TENM1: variants seen among roughly 807,000 people sequenced by gnomAD.
TENM1 encodes the protein teneurin transmembrane protein 1, also known as teneurin-1.
TENM1 carries 35 observed loss-of-function variants against 174.8 expected under a neutral mutation model. That is an observed-to-expected ratio of 0.20 (90% CI 0.15 to 0.27). TENM1 has a LOEUF of 0.27. TENM1 is among the 10% of genes least tolerant of loss of function. The pLI is 1.00. For synonymous variants in TENM1, 781 were observed against 798.7 expected, an observed-to-expected ratio of 0.98 and a Z score of 0.37; for missense variants, 1,633 against 2,130.1, an observed-to-expected ratio of 0.77 and a Z score of 4.59.
chrX:124,856,395 A>T (rs973578314), intron 3 of TENM1, among the ~76,000 whole-genome samples: 4 of 111,445 alleles, frequency 3.6e-5, no homozygotes, highest in Non-Finnish European at 5.7e-5. Flanking sequence ...CAAAAAACTT[A>T]AACATTATAT....
chrX:124,957,376 G>C (rs112458048), intron 1 of TENM1, among the ~76,000 whole-genome samples: 6,062 of 110,599 alleles, frequency 0.055, 338 homozygotes, highest in African/African-American at 0.17. Context: ...TTGAGGTCAG[G>C]AGTTTGAGAC....
chrX:124,760,516 G>A (rs2054382231), intron 3 of TENM1, among the ~76,000 whole-genome samples: 1 of 111,153 alleles, frequency 9.0e-6, no homozygotes, highest in South Asian at 3.8e-4. Context: ...GTTTTCAAAG[G>A]GAATTACACT....
rs757442474 is a variant in TENM1, at chrX:124,821,558, T to A, written c.535+72738A>T. Among the ~76,000 whole-genome samples the A allele has an allele frequency of 9.8e-5, 11 of 112,410 alleles. No individual in the cohort carries two copies. The East Asian group carries it at 3.1e-3, about 31-fold the overall frequency. On this transcript the variant is annotated intron_variant, in intron 3 of 31. Transcript: ENST00000422452. ...GCTGAAGAGGTTTTCTTCTGGCAAA[T>A]GACTCTTTAAAAGCAAAAGAGAAGA...
At chrX:124,422,617 C>A in exon 24 of TENM1, 1 of 1,208,826 alleles carries the variant, frequency 8.3e-7, no homozygotes, top group South Asian at 1.8e-5. Context: ...ACTGCAAGGT[C>A]TGTTGGCCAC....
the TENM1 span, among the ~76,000 whole-genome samples, chrX:125,160,568 A>AAAAAAAAG: frequency 9.5e-6 from 1 of 104,851 alleles, no homozygotes; most frequent in Non-Finnish European, 2.0e-5. Flanking sequence ...AAAAAAAAAA[A>AAAAAAAAG]ACAGAGAGAG....
chrX:124,527,279 G>A (rs1040523578), intron 16 of TENM1, among the ~76,000 whole-genome samples: 5 of 111,165 alleles, frequency 4.5e-5, no homozygotes, highest in African/African-American at 1.3e-4. Context: ...ACTTTTAAAG[G>A]GCTCAGTCTT....
intron 1 of TENM1, among the ~76,000 whole-genome samples, chrX:124,909,031 G>A (rs769359289): frequency 9.0e-6 from 1 of 111,019 alleles, no homozygotes; most frequent in East Asian, 2.8e-4. Context: ...GCTAATTTTT[G>A]TACTTTTAGT....
At chrX:125,139,278 T>C in the TENM1 span, among the ~76,000 whole-genome samples, 1 of 111,102 alleles carries the variant, frequency 9.0e-6, no homozygotes, top group African/African-American at 3.3e-5. Flanking sequence ...ATGAGGAAGT[T>C]TGCTGTAGAT....
chrX:125,201,227 G>A, the TENM1 span, among the ~76,000 whole-genome samples: 1 of 111,992 alleles, frequency 8.9e-6, no homozygotes, highest in Admixed American at 9.5e-5. Flanking sequence ...TGATTATGTC[G>A]GTGTTATTTA....
intron 4 of TENM1, among the ~76,000 whole-genome samples, chrX:124,706,078 T>G (rs1484285631): frequency 2.7e-5 from 3 of 111,607 alleles, no homozygotes; most frequent in African/African-American, 9.8e-5. Context: ...CTACTTTTTG[T>G]ATTTTTAGTA....
intron 23 of TENM1, among the ~76,000 whole-genome samples, chrX:124,446,070 T>C (rs1174028074): frequency 8.9e-6 from 1 of 112,691 alleles, no homozygotes; most frequent in South Asian, 3.7e-4. Flanking sequence ...GCAAATTTCA[T>C]TTCTTGAGAT....
chrX:124,722,612 G>T (rs749254410), intron 4 of TENM1, among the ~76,000 whole-genome samples: 1 of 110,361 alleles, frequency 9.1e-6, no homozygotes, highest in Non-Finnish European at 1.9e-5. Flanking sequence ...AGGCCGAAGC[G>T]GGCGGATCAC....
intron 3 of TENM1, among the ~76,000 whole-genome samples, chrX:124,764,017 T>C (rs2054482627): frequency 8.9e-6 from 1 of 112,384 alleles, no homozygotes; most frequent in Non-Finnish European, 1.9e-5. Flanking sequence ...CCAACGTTTA[T>C]AAAGAAATTT....
the TENM1 span, among the ~76,000 whole-genome samples, chrX:125,120,848 T>C: frequency 9.0e-6 from 1 of 110,911 alleles, no homozygotes; most frequent in Admixed American, 9.7e-5. Flanking sequence ...GCTGCATATA[T>C]GTATAGTTGA....
At chrX:124,471,309 AG>A (rs1400155998) in intron 22 of TENM1, among the ~76,000 whole-genome samples, 2 of 35,990 alleles carry the variant, frequency 5.6e-5, no homozygotes, top group Non-Finnish European at 8.7e-5. Flanking sequence ...TATAATATAT[AG>A]TACTATATAT....
the TENM1 span, among the ~76,000 whole-genome samples, chrX:125,187,897 C>T: frequency 9.0e-6 from 1 of 111,636 alleles, no homozygotes; most frequent in African/African-American, 3.3e-5. Flanking sequence ...GTGAGTTGAG[C>T]TTAGATATAG....
chrX:124,561,766 T>C lies in TENM1; in HGVS notation c.2339A>G (p.Asn780Ser). The C allele has an allele frequency of 8.3e-7, 1 of 1,211,263 alleles. No individual in the cohort carries two copies. Among genetic ancestry groups the C allele is most frequent in the Non-Finnish European group, 1.1e-6 (1 of 895,155 alleles). Reference sequence around the variant, plus strand: ...CACCTGACACACACAGTGCCAACCATTTTGATCCAGGGTACATCGTCCATT... The same window carrying C: ...CACCTGACACACACAGTGCCAACCACTTTGATCCAGGGTACATCGTCCATT... Residue 780 changes from asparagine to serine, a missense_variant, in exon 14 of 32, where the codon AAT becomes AGT. Physicochemically the swap from Asn to Ser is conservative, Grantham distance 46. Coordinates refer to ENST00000422452, the Ensembl canonical transcript of TENM1.
chrX:124,765,053 AC>A (rs751375442), intron 3 of TENM1, among the ~76,000 whole-genome samples: 2 of 111,646 alleles, frequency 1.8e-5, no homozygotes, highest in South Asian at 7.5e-4. Flanking sequence ...ATCTCTTCTG[AC>A]CACCTATAGC....
the TENM1 span, among the ~76,000 whole-genome samples, chrX:125,043,296 A>C: frequency 2.6e-5 from 1 of 38,735 alleles, no homozygotes; most frequent in Non-Finnish European, 4.6e-5. Context: ...AGAATCTACA[A>C]TGAACTCAAA....
Sources: allele counts gnomAD v4.1 joint callset (sites outside exome capture counted in the v4.1 genomes callset), GRCh38; gene constraint gnomAD v4.1.1; transcripts MANE v1.5; gene names NCBI Gene and HGNC (gene_info 2026-07-23, HGNC 2026-07-21).